LINGO1: variants seen among roughly 807,000 people sequenced by gnomAD.
LINGO1 encodes leucine rich repeat and Ig domain containing 1.
A neutral mutation model predicts 37.3 loss-of-function variants in LINGO1; 11 were observed. That is an observed-to-expected ratio of 0.29 (90% CI 0.19 to 0.49). LINGO1 has a LOEUF of 0.49. Among genes scored for constraint, LINGO1 ranks in the 20% least tolerant of loss-of-function variants. The pLI is 0.99. For missense variants in LINGO1, 585 were observed against 878.2 expected (o/e 0.67, Z 4.22); for synonymous variants, 387 against 403.0 (o/e 0.96, Z 0.48).
chr15:77,656,909 A>G (rs986577357), intron 3 of LINGO1, among the ~76,000 whole-genome samples: 5 of 152,194 alleles, frequency 3.3e-5, no homozygotes, highest in Non-Finnish European at 4.4e-5. Flanking sequence ...GCTACTGCAC[A>G]GGTGCCCAGC....
At chr15:77,724,392 G>C (rs2076081726) in intron 2 of LINGO1, among the ~76,000 whole-genome samples, 1 of 152,228 alleles carries the variant, frequency 6.6e-6, no homozygotes, top group Non-Finnish European at 1.5e-5. Context: ...TCGGTTTGCT[G>C]ATCTGCAAAC....
intron 1 of LINGO1, chr15:77,819,270 C>A (rs1161373667): frequency 6.7e-6 from 1 of 149,880 alleles, no homozygotes; most frequent in African/African-American, 2.4e-5. Flanking sequence ...GCCACACTCA[C>A]CGTCCCGGGC....
chr15:77,675,463 T>C (rs1330569509), intron 3 of LINGO1, among the ~76,000 whole-genome samples: 1 of 152,204 alleles, frequency 6.6e-6, no homozygotes, highest in African/African-American at 2.4e-5. Context: ...AAGAACTCTA[T>C]GGAAGGACCC....
At position 77,632,309 on chromosome 15, in the gene LINGO1, C is replaced by A; in HGVS notation, c.6+1G>T. 6.9e-7 allele frequency: 1 copy of A among 1,441,086 alleles called. No individual in the cohort carries two copies. Among genetic ancestry groups the A allele is most frequent in the Middle Eastern group, 2.1e-4 (1 of 4,742 alleles). The allele number at this position is 1,441,086 out of a possible 1,614,324, so 89.3% of individuals were successfully genotyped here. A position where few individuals can be genotyped will look rare whatever the true frequency, so the allele number is the denominator to read the frequency against. On this transcript the variant is annotated splice_donor_variant, in intron 1 of 1. Transcript: ENST00000355300. LOFTEE classifies it high-confidence loss of function. This position sits in a 1 kb window ranked among gnomAD's most constrained non-coding sequence, Gnocchi z 6.0. The stretch of plus-strand genomic sequence containing the variant: ...GGCTCGGCCGCGGCCGCCTGGCTCA[C>A]CTGCATCTCGGGCGCGCCTTCGGTC...
chr15:77,703,275 G>C (rs190130624), intron 2 of LINGO1, among the ~76,000 whole-genome samples: 5 of 152,300 alleles, frequency 3.3e-5, no homozygotes, highest in African/African-American at 9.6e-5. Flanking sequence ...GGGGATTCTT[G>C]TAACTGAGAA....
intron 2 of LINGO1, among the ~76,000 whole-genome samples, chr15:77,681,648 C>T (rs2075415599): frequency 6.6e-6 from 1 of 152,018 alleles, no homozygotes; most frequent in Admixed American, 6.6e-5. Flanking sequence ...TCACTGTCTG[C>T]CAAGGGTGTG....
At chr15:77,669,499 G>A (rs968721651) in intron 3 of LINGO1, among the ~76,000 whole-genome samples, 2 of 152,140 alleles carry the variant, frequency 1.3e-5, no homozygotes, top group Admixed American at 6.5e-5. Flanking sequence ...AAGGGAGAGA[G>A]GACATCCTGG....
Position 77,615,406 on chromosome 15 carries a change from G to A in LINGO1, c.501C>T (p.Tyr167=). 1 of 1,614,038 alleles carries A rather than the reference G, an allele frequency of 6.2e-7. No individual in the cohort carries two copies. Among genetic ancestry groups the A allele is most frequent in the Non-Finnish European group, 8.5e-7 (1 of 1,179,906 alleles). ...CGCCAACCTCCAGTGACTTGAGGTT[G>A]TACAGGTCCTGAAACATGTAGTCCA... ...ILLDYMFQDL[Y]NLKSLEVGDN... Residue 167 remains tyrosine (Y), a synonymous_variant, in exon 2 of 2, where the codon TAC becomes TAT. Transcript: ENST00000355300.
chr15:77,808,012 A>G (rs1236140911), intron 1 of LINGO1, among the ~76,000 whole-genome samples: 1 of 152,120 alleles, frequency 6.6e-6, no homozygotes, highest in African/African-American at 2.4e-5. Context: ...TGGGGTGGAA[A>G]AAATCAAAGA....
At chr15:77,790,301 A>G (rs1235803630), upstream of LINGO1, among the ~76,000 whole-genome samples, 1 of 152,224 alleles carries the variant, frequency 6.6e-6, no homozygotes, top group East Asian at 1.9e-4. Context: ...TGCTTGGCAC[A>G]TAGTAGGTGC....
rs116653267 is a variant in LINGO1 at position 77,719,415 on chromosome 15, C to T, written c.-195+15577G>A. Among the ~76,000 whole-genome samples, 989 of 150,012 alleles carry T rather than the reference C, an allele frequency of 6.6e-3. 26 individuals carry two copies. The highest frequency in any genetic ancestry group is 0.022 in the African/African-American group (915 of 41,380). The stretch of plus-strand genomic sequence containing the variant: ...CCCTCCTCCATGTAAGATCATCCCC[C>T]GCCTCCACCCTCACAGGCAGATCAG... On this transcript the variant is annotated intron_variant, in intron 2 of 3. Transcript: ENST00000561686.
intron 2 of LINGO1, among the ~76,000 whole-genome samples, chr15:77,718,384 T>C (rs1425817476): frequency 6.6e-6 from 1 of 150,972 alleles, no homozygotes; most frequent in African/African-American, 2.4e-5. Context: ...GTGCATGTGA[T>C]ATGCACACAG....
chr15:77,656,534 C>T (rs1301245240), intron 3 of LINGO1, among the ~76,000 whole-genome samples: 3 of 152,202 alleles, frequency 2.0e-5, no homozygotes, highest in African/African-American at 7.2e-5. Context: ...ACTCGTGTGG[C>T]ACCGGCTCAG....
chr15:77,787,906 C>CA (rs1353628294), upstream of LINGO1: 8 of 152,334 alleles, frequency 5.3e-5, no homozygotes, highest in Admixed American at 3.9e-4. Context: ...AGACTAAATG[C>CA]AAAGGCTAAC....
chr15:77,809,789 G>A (rs2076988412), intron 1 of LINGO1, among the ~76,000 whole-genome samples: 1 of 152,172 alleles, frequency 6.6e-6, no homozygotes, highest in Non-Finnish European at 1.5e-5. Context: ...GTTTTGCCAG[G>A]GAAGAAACAT....
chr15:77,624,964 C>T (rs967839938), intron 1 of LINGO1, among the ~76,000 whole-genome samples: 1 of 152,194 alleles, frequency 6.6e-6, no homozygotes, highest in Admixed American at 6.5e-5. Flanking sequence ...AGGCCCCCAG[C>T]GCCATCCCCT....
chr15:77,707,281 G>A (rs1307061883), intron 2 of LINGO1: 1 of 152,244 alleles, frequency 6.6e-6, no homozygotes, highest in Non-Finnish European at 1.5e-5. Context: ...AGAGGAGAAA[G>A]AAAAGGGTCT....
upstream of LINGO1, chr15:77,634,270 A>T (rs191429664): frequency 2.2e-6 from 1 of 456,086 alleles, no homozygotes; most frequent in Non-Finnish European, 4.4e-6. Flanking sequence ...AAAGGCTTGC[A>T]CAGACCTTCT....
chr15:77,682,004 C>T (rs148212943), intron 2 of LINGO1, among the ~76,000 whole-genome samples: 2 of 152,202 alleles, frequency 1.3e-5, no homozygotes, highest in East Asian at 3.9e-4. Context: ...GGTGAAATGT[C>T]TTGAGAGGAA....
Sources: allele counts gnomAD v4.1 joint callset (sites outside exome capture counted in the v4.1 genomes callset), GRCh38; gene constraint gnomAD v4.1.1; non-coding constraint Gnocchi (gnomAD v3.1); transcripts MANE v1.5; gene names NCBI Gene and HGNC (gene_info 2026-07-23, HGNC 2026-07-21).